MCTP2: variants seen among roughly 807,000 people sequenced by gnomAD.
MCTP2 encodes the protein multiple C2 and transmembrane domain-containing protein 2.
A neutral mutation model predicts 111.6 loss-of-function variants in MCTP2; 132 were observed. The ratio of observed to expected loss-of-function variants is 1.18; its 90% CI spans 1.03 to 1.37. MCTP2 has a LOEUF of 1.37. Among genes scored for constraint, MCTP2 ranks in the 40% most tolerant of loss-of-function variants. The pLI is 0.00. For missense variants in MCTP2, 1,183 were observed against 1,067.9 expected, an observed-to-expected ratio of 1.11 and a Z score of -1.50; for synonymous variants, 395 against 387.7, an observed-to-expected ratio of 1.02 and a Z score of -0.22.
At chr15:94,475,809 A>G (rs2074300857) in intron 21 of MCTP2, among the ~76,000 whole-genome samples, 1 of 152,184 alleles carries the variant, frequency 6.6e-6, no homozygotes, top group Non-Finnish European at 1.5e-5. Context: ...ACTCCCCTCT[A>G]AAGAGTAAAC....
chr15:94,462,854 T>C (rs1216803006), intron 20 of MCTP2, among the ~76,000 whole-genome samples: 1 of 152,242 alleles, frequency 6.6e-6, no homozygotes, highest in African/African-American at 2.4e-5. Context: ...ATAAAGAGTT[T>C]AGACCAATGG....
chr15:94,292,448 A>C (rs930696486), intron 1 of MCTP2, among the ~76,000 whole-genome samples: 2 of 152,222 alleles, frequency 1.3e-5, no homozygotes, highest in Non-Finnish European at 2.9e-5. Flanking sequence ...AAGCCAATAT[A>C]AAAAAATTCA....
intron 17 of MCTP2, among the ~76,000 whole-genome samples, chr15:94,405,683 G>T (rs954866294): frequency 3.9e-5 from 6 of 152,154 alleles, no homozygotes; most frequent in African/African-American, 7.2e-5. Flanking sequence ...GTTATCATAA[G>T]AAATTAAACA....
At chr15:94,462,267 T>G (rs1027748745) in intron 20 of MCTP2, among the ~76,000 whole-genome samples, 1 of 152,210 alleles carries the variant, frequency 6.6e-6, no homozygotes, top group Non-Finnish European at 1.5e-5. Flanking sequence ...TTCTTCCATA[T>G]TAGTGAGCTC....
At chr15:94,406,858 G>GTTTT (rs199663326) in intron 17 of MCTP2, among the ~76,000 whole-genome samples, 1 of 132,088 alleles carries the variant, frequency 7.6e-6, no homozygotes. Flanking sequence ...CTTTTCAGTT[G>GTTTT]TTTTTTTTTT....
intron 12 of MCTP2, among the ~76,000 whole-genome samples, chr15:94,371,214 C>A (rs998643956): frequency 6.6e-6 from 1 of 151,878 alleles, no homozygotes; most frequent in African/African-American, 2.4e-5. Context: ...GTGAGAAGAT[C>A]CAAAAATGGT....
At chr15:94,330,862 G>C (rs75815183) in intron 4 of MCTP2, among the ~76,000 whole-genome samples, 5,094 of 151,232 alleles carry the variant, frequency 0.034, 299 homozygotes, top group African/African-American at 0.12. Flanking sequence ...AGCCCCCCAA[G>C]TAGCTGGGAC....
intron 19 of MCTP2, among the ~76,000 whole-genome samples, chr15:94,457,356 G>T (rs1183480898): frequency 6.6e-6 from 1 of 152,168 alleles, no homozygotes; most frequent in African/African-American, 2.4e-5. Context: ...ACCTGGCATG[G>T]TAAAAACACA....
intron 18 of MCTP2, among the ~76,000 whole-genome samples, chr15:94,440,899 T>C (rs1278953175): frequency 6.6e-6 from 1 of 152,136 alleles, no homozygotes; most frequent in Non-Finnish European, 1.5e-5. Context: ...CATCTACTCA[T>C]CTCACTTCCA....
At chr15:94,390,725 C>CTTT (rs777312969) in intron 14 of MCTP2, among the ~76,000 whole-genome samples, 2,306 of 112,840 alleles carry the variant, frequency 0.02, 95 homozygotes, top group African/African-American at 0.045. Flanking sequence ...CTTTTCTTTT[C>CTTT]TTTTTTTTTT....
intron 14 of MCTP2, among the ~76,000 whole-genome samples, chr15:94,390,100 A>ACACG (rs1567603135): frequency 1.2e-5 from 1 of 82,570 alleles, no homozygotes; most frequent in Non-Finnish European, 2.9e-5. Context: ...GTATATATAT[A>ACACG]TATATATATA....
chr15:94,264,650 T>C (rs1026923833), intron 1 of MCTP2, among the ~76,000 whole-genome samples: 2 of 152,058 alleles, frequency 1.3e-5, no homozygotes, highest in African/African-American at 4.8e-5. Flanking sequence ...ATGTCAGTCA[T>C]TGATAAGATA....
intron 21 of MCTP2, among the ~76,000 whole-genome samples, chr15:94,472,940 T>C (rs1466479993): frequency 2.0e-5 from 3 of 152,252 alleles, no homozygotes; most frequent in Non-Finnish European, 4.4e-5. Context: ...TGTATATGTC[T>C]TAAAGTTTTA....
chr15:94,403,588 G>T (rs758901647), intron 17 of MCTP2, among the ~76,000 whole-genome samples: 1 of 152,212 alleles, frequency 6.6e-6, no homozygotes, highest in Non-Finnish European at 1.5e-5. Flanking sequence ...TGACAGAAAT[G>T]ATTAATGGGC....
chr15:94,241,127 C>T (rs1422195283), intron 1 of MCTP2, among the ~76,000 whole-genome samples: 2 of 115,726 alleles, frequency 1.7e-5, no homozygotes, highest in South Asian at 2.7e-4. Context: ...TGAGATATCT[C>T]CTAGGGATCC....
intron 17 of MCTP2, among the ~76,000 whole-genome samples, chr15:94,436,675 T>C (rs1027869160): frequency 2.6e-5 from 4 of 152,210 alleles, no homozygotes; most frequent in African/African-American, 9.6e-5. Context: ...AAGTAATTTT[T>C]TCAAAGACAT....
chr15:94,289,685 G>A (rs140182146), intron 1 of MCTP2, among the ~76,000 whole-genome samples: 1 of 152,262 alleles, frequency 6.6e-6, no homozygotes, highest in African/African-American at 2.4e-5. Flanking sequence ...GTATTTAGAT[G>A]TAATATATAA....
chr15:94,245,441 CACATATATGTATATGTATTTATAT>C (rs2071839209), intron 1 of MCTP2, among the ~76,000 whole-genome samples: 1 of 130,664 alleles, frequency 7.7e-6, no homozygotes, highest in Admixed American at 7.9e-5. Context: ...TTTATATATA[CACATATATGTATATGTATTTATAT>C]ACATATATGT....
intron 4 of MCTP2, among the ~76,000 whole-genome samples, chr15:94,318,190 T>G (rs1413703517): frequency 6.6e-6 from 1 of 151,928 alleles, no homozygotes; most frequent in Non-Finnish European, 1.5e-5. Flanking sequence ...TTCTAGAGAG[T>G]GTGTATTTTA....
Sources: gnomAD v4.1 joint callset for allele counts (sites outside exome capture counted in the v4.1 genomes callset) on GRCh38, gnomAD v4.1.1 for gene constraint, MANE v1.5 for transcripts, NCBI Gene and HGNC (gene_info 2026-07-23, HGNC 2026-07-21) for gene names.